The following LYRM4 variants were observed in gnomAD, a reference collection of about 807,000 sequenced individuals.
The protein encoded by LYRM4 is LYR motif-containing protein 4.
In LYRM4, 9 loss-of-function variants were observed where a neutral mutation model predicts 11.7. The observed-to-expected ratio is 0.77, with a 90% CI of 0.46 to 1.34. The LOEUF is 1.34. Ranked by LOEUF, LYRM4 falls within the 40% of genes most tolerant of loss-of-function variation. LYRM4 has a pLI of 0.00. For missense variants in LYRM4, 133 were observed against 112.5 expected, an observed-to-expected ratio of 1.18 and a Z score of -0.82; for synonymous variants, 42 against 40.4, an observed-to-expected ratio of 1.04 and a Z score of -0.15.
At chr6:5,065,103 A>C in the LYRM4 span, among the ~76,000 whole-genome samples, 1 of 152,014 alleles carries the variant, frequency 6.6e-6, no homozygotes, top group Non-Finnish European at 1.5e-5. Flanking sequence ...AGAATGTCAT[A>C]GTTAGAATCA....
intron 2 of LYRM4, among the ~76,000 whole-genome samples, chr6:5,147,676 A>C (rs4959330): frequency 4.9e-4 from 75 of 152,120 alleles, no homozygotes; most frequent in African/African-American, 1.7e-3. Context: ...TAAAATTCAC[A>C]TTCAGAAAAT....
chr6:5,136,956 AC>A (rs139408639), intron 2 of LYRM4: 45,439 of 489,374 alleles, frequency 0.093, 2,620 homozygotes, highest in South Asian at 0.21. Context: ...CATTTTCATT[AC>A]CCCCAAGGAA....
chr6:5,128,756 C>T (rs1763809458), intron 2 of LYRM4, among the ~76,000 whole-genome samples: 1 of 152,214 alleles, frequency 6.6e-6, no homozygotes, highest in South Asian at 2.1e-4. Flanking sequence ...TGAACTACTA[C>T]ATGGGGTATG....
At chr6:5,217,368 C>G (rs903952503) in intron 1 of LYRM4, among the ~76,000 whole-genome samples, 1 of 152,210 alleles carries the variant, frequency 6.6e-6, no homozygotes, top group African/African-American at 2.4e-5. Context: ...CCACCCACCC[C>G]CAACCAGACA....
intron 1 of LYRM4, among the ~76,000 whole-genome samples, chr6:5,228,299 T>C (rs549369889): frequency 1.1e-4 from 17 of 152,158 alleles, no homozygotes; most frequent in African/African-American, 3.4e-4. Context: ...TTTTTTGAGA[T>C]AGAGTCTTGC....
In LYRM4 at chr6:5,109,467, T is replaced by C. The variant is rs1237012996; in HGVS notation, c.232A>G (p.Thr78Ala). ...CGATTCTCAATGATCAGCTTGTCAG[T>C]TGAATACAGTTGGCCAATGTGGACC... is the stretch of plus-strand genomic sequence containing the variant. ...RQVHIGQLYS[T>A]DKLIIENRDM... The change falls in exon 3 of 3, where the codon ACT (threonine) becomes GCT (alanine). Residue 78 changes from threonine (T) to alanine (A), a missense_variant. By Grantham distance (58) the Thr-to-Ala change is moderately conservative (BLOSUM62 0). Coordinates refer to ENST00000330636, the MANE Select transcript of LYRM4 (RefSeq NM_020408.6). 3 of 1,614,054 alleles carry C rather than the reference T, an allele frequency of 1.9e-6. No homozygotes were observed. The highest frequency in any genetic ancestry group is 1.3e-5 in the African/African-American group (1 of 75,026).
At chr6:5,038,606 G>A in the LYRM4 span, among the ~76,000 whole-genome samples, 2 of 64,754 alleles carry the variant, frequency 3.1e-5, 1 homozygote, top group Non-Finnish European at 7.6e-5. Context: ...ATTGAGCACC[G>A]AGTGAACGAG....
intron 2 of LYRM4, among the ~76,000 whole-genome samples, chr6:5,110,214 G>A (rs1422846799): frequency 6.7e-6 from 1 of 148,972 alleles, no homozygotes; most frequent in African/African-American, 2.5e-5. Context: ...AATGGGTGAA[G>A]GAAGGGCTGA....
intron 1 of LYRM4, among the ~76,000 whole-genome samples, chr6:5,219,104 T>C (rs1164344938): frequency 2.6e-5 from 4 of 152,254 alleles, no homozygotes; most frequent in Middle Eastern, 6.8e-3. Flanking sequence ...AAAAACAAAA[T>C]GGGCAACAGT....
intron 1 of LYRM4, among the ~76,000 whole-genome samples, chr6:5,241,022 T>TACCA (rs1272794991): frequency 6.6e-6 from 1 of 152,234 alleles, no homozygotes; most frequent in East Asian, 1.9e-4. Flanking sequence ...GCTGGCTCCA[T>TACCA]ACCAACTTTG....
chr6:5,169,859 A>G (rs1759317118), intron 2 of LYRM4, among the ~76,000 whole-genome samples: 1 of 152,152 alleles, frequency 6.6e-6, no homozygotes, highest in Non-Finnish European at 1.5e-5. Flanking sequence ...TGTAGGAGGG[A>G]ATGCTCCAAC....
chr6:5,158,782 G>C (rs1000676997), intron 2 of LYRM4, among the ~76,000 whole-genome samples: 2 of 152,170 alleles, frequency 1.3e-5, no homozygotes, highest in African/African-American at 4.8e-5. Flanking sequence ...CAAGTCTGCA[G>C]GTCTTGAGGT....
At chr6:5,099,006 C>T (rs541868411), downstream of LYRM4, among the ~76,000 whole-genome samples, 5 of 152,188 alleles carry the variant, frequency 3.3e-5, no homozygotes, top group African/African-American at 7.2e-5. This position sits in a 1 kb window ranked among gnomAD's most constrained non-coding sequence, Gnocchi z 4.3. Flanking sequence ...CACAGTGACC[C>T]GCTTGGTGGG....
intron 2 of LYRM4, among the ~76,000 whole-genome samples, chr6:5,141,180 G>T (rs1454689001): frequency 6.6e-6 from 1 of 152,252 alleles, no homozygotes; most frequent in Non-Finnish European, 1.5e-5. Flanking sequence ...GAATAATGCA[G>T]ATGGGAGAGA....
intron 2 of LYRM4, chr6:5,144,320 A>C: frequency 6.5e-7 from 1 of 1,531,530 alleles, no homozygotes; most frequent in African/African-American, 1.4e-5. Context: ...GGACAAGAAA[A>C]AGAAGTGGCT....
chr6:5,255,209 G>A (rs1171011871), intron 1 of LYRM4, among the ~76,000 whole-genome samples: 2 of 152,090 alleles, frequency 1.3e-5, no homozygotes, highest in East Asian at 3.9e-4. Context: ...GACCTTTCAG[G>A]GGATCCACCA....
intron 2 of LYRM4, among the ~76,000 whole-genome samples, chr6:5,167,216 C>A (rs779234382): frequency 6.6e-6 from 1 of 152,160 alleles, no homozygotes; most frequent in East Asian, 1.9e-4. Context: ...GAGTAATATA[C>A]GCAAGGGATA....
intron 2 of LYRM4, among the ~76,000 whole-genome samples, chr6:5,170,165 G>C (rs1212343657): frequency 1.3e-5 from 2 of 152,220 alleles, no homozygotes; most frequent in East Asian, 3.8e-4. Context: ...TTTTGGATCT[G>C]AGAAAGGGGG....
At chr6:5,189,958 G>A (rs1361624946) in intron 2 of LYRM4, among the ~76,000 whole-genome samples, 1 of 152,132 alleles carries the variant, frequency 6.6e-6, no homozygotes, top group Non-Finnish European at 1.5e-5. Context: ...TTAATAGATA[G>A]AACAAAAAGA....
Sources: gnomAD v4.1 joint callset for allele counts (sites outside exome capture counted in the v4.1 genomes callset) on GRCh38, gnomAD v4.1.1 for gene constraint, Gnocchi (gnomAD v3.1) non-coding constraint, MANE v1.5 for transcripts, NCBI Gene and HGNC (gene_info 2026-07-23, HGNC 2026-07-21) for gene names.